The following LPP variants were observed in gnomAD, a reference collection of about 807,000 sequenced individuals.
The protein encoded by LPP is lipoma-preferred partner.
A neutral mutation model predicts 60.4 loss-of-function variants in LPP; 38 were observed. The observed-to-expected ratio is 0.63, with a 90% CI of 0.49 to 0.83. LPP has a LOEUF of 0.83. Among genes scored for constraint, LPP ranks in the 40% least tolerant of loss-of-function variants. The pLI is 0.00. For synonymous variants in LPP, 328 were observed against 290.8 expected, an observed-to-expected ratio of 1.13 and a Z score of -1.30; for missense variants, 902 against 783.6, an observed-to-expected ratio of 1.15 and a Z score of -1.80.
rs558101715 is a variant in LPP, at chr3:188,230,960, T to C, written c.-67+5433T>C. On this transcript the variant is annotated intron_variant, in intron 2 of 11. Coordinates refer to ENST00000617246, the MANE Select transcript of LPP (RefSeq NM_001375462.1). ...ACTTGCTACCAAGCACATCGCATGA[T>C]GGTTGGCAGGATTTGTTTCCCCACA... Among the ~76,000 whole-genome samples the C allele has an allele frequency of 5.9e-5, 9 of 152,184 alleles. 1 individual carries two copies. The highest frequency in any genetic ancestry group is 2.2e-4 in the African/African-American group (9 of 41,496).
At chr3:188,621,441 T>C (rs975117538) in intron 7 of LPP, among the ~76,000 whole-genome samples, 1 of 152,184 alleles carries the variant, frequency 6.6e-6, no homozygotes, top group African/African-American at 2.4e-5. Flanking sequence ...TGTCCCTGCA[T>C]CAATTTGCTT....
At chr3:188,162,644 G>A (rs1718641608) in intron 1 of LPP, among the ~76,000 whole-genome samples, 1 of 152,126 alleles carries the variant, frequency 6.6e-6, no homozygotes, top group African/African-American at 2.4e-5. Context: ...TCTTGAACAA[G>A]TTCTGGAACA....
chr3:188,394,611 C>G (rs540704239), intron 3 of LPP, among the ~76,000 whole-genome samples: 1 of 148,660 alleles, frequency 6.7e-6, no homozygotes, highest in Non-Finnish European at 1.5e-5. Context: ...TTCCCCAGAA[C>G]ATTAGCTGAG....
intron 9 of LPP, among the ~76,000 whole-genome samples, chr3:188,765,841 G>A (rs895651454): frequency 5.6e-5 from 8 of 142,806 alleles, no homozygotes; most frequent in Admixed American, 7.0e-5. Flanking sequence ...CACGTGCAAC[G>A]TGCAACTTAA....
intron 6 of LPP, among the ~76,000 whole-genome samples, chr3:188,601,699 TA>T (rs1841203810): frequency 1.3e-5 from 2 of 152,276 alleles, no homozygotes; most frequent in African/African-American, 4.8e-5. Context: ...AACTTGCATT[TA>T]AAAAGCCCTA....
intron 2 of LPP, among the ~76,000 whole-genome samples, chr3:188,248,468 T>TTATATA (rs55811112): frequency 0.099 from 8,348 of 83,938 alleles, 890 homozygotes; most frequent in Non-Finnish European, 0.13. Context: ...CAGTATAACT[T>TTATATA]TATATATATA....
At chr3:188,586,246 G>A (rs554124184) in intron 6 of LPP, among the ~76,000 whole-genome samples, 3 of 152,262 alleles carry the variant, frequency 2.0e-5, no homozygotes, top group Admixed American at 6.5e-5. Context: ...AGAGGAAAAT[G>A]TTCTATATGT....
intron 9 of LPP, among the ~76,000 whole-genome samples, chr3:188,827,537 A>AC (rs1358847417): frequency 6.6e-6 from 1 of 152,304 alleles, no homozygotes; most frequent in Admixed American, 6.5e-5. Context: ...AGACTTAATG[A>AC]CTGGAGTTCA....
intron 6 of LPP, among the ~76,000 whole-genome samples, chr3:188,594,720 A>G (rs1021070526): frequency 2.0e-5 from 3 of 152,236 alleles, no homozygotes; most frequent in Admixed American, 2.0e-4. Flanking sequence ...CTCTGAAAGG[A>G]AAACATATTT....
intron 7 of LPP, among the ~76,000 whole-genome samples, chr3:188,623,041 A>C (rs1338998548): frequency 9.6e-5 from 12 of 124,526 alleles, no homozygotes; most frequent in African/African-American, 3.6e-4. Flanking sequence ...AAAAAAAAAA[A>C]AAAAAAGAGA....
intron 10 of LPP, among the ~76,000 whole-genome samples, chr3:188,869,115 CA>C (rs1420837823): frequency 6.6e-6 from 1 of 152,048 alleles, no homozygotes; most frequent in Non-Finnish European, 1.5e-5. Context: ...GCAGAGGGAA[CA>C]ACTCAGGCAA....
intron 1 of LPP, among the ~76,000 whole-genome samples, chr3:188,204,055 T>G (rs1311207523): frequency 6.6e-6 from 1 of 152,110 alleles, no homozygotes; most frequent in Non-Finnish European, 1.5e-5. Context: ...GGTGGGCCAG[T>G]GAAGACACTA....
chr3:188,781,498 G>A (rs952514533), intron 9 of LPP, among the ~76,000 whole-genome samples: 5 of 152,088 alleles, frequency 3.3e-5, no homozygotes, highest in Admixed American at 6.5e-5. Context: ...GGAGGCGTCA[G>A]GAAACTTACA....
chr3:188,856,717 T>C (rs1479101556), intron 9 of LPP, among the ~76,000 whole-genome samples: 4 of 152,342 alleles, frequency 2.6e-5, no homozygotes, highest in East Asian at 1.9e-4. Flanking sequence ...GGAAATTCAC[T>C]GCCTCAATGA....
intron 2 of LPP, chr3:188,239,730 A>G: frequency 4.6e-6 from 1 of 218,036 alleles, no homozygotes; most frequent in Non-Finnish European, 9.2e-6. Context: ...GAAATAAACA[A>G]ATAAACAAGC....
chr3:188,609,190 A>G lies in LPP; in HGVS notation c.459A>G (p.Pro153=). ...CCACTGGTTCAACAGCCTCTCCTCCAGTTTCGACCCCAGTCACAGGACACA... is the reference window on the plus strand; with the variant it reads ...CCACTGGTTCAACAGCCTCTCCTCCGGTTTCGACCCCAGTCACAGGACACA... ...QSSTGSTASP[P]VSTPVTGHKR... Residue 153 remains proline (P), a synonymous_variant, in exon 7 of 12, where the codon CCA becomes CCG. Transcript: ENST00000617246. The surrounding 1 kb of genome is among the most constrained non-coding windows in gnomAD (Gnocchi z 6.9). 6.2e-7 allele frequency: 1 copy of G among 1,612,582 alleles called. No individual in the cohort carries two copies. The highest frequency in any genetic ancestry group is 1.1e-5 in the South Asian group (1 of 90,988).
chr3:188,267,331 G>T (rs1735941989), intron 2 of LPP, among the ~76,000 whole-genome samples: 1 of 152,096 alleles, frequency 6.6e-6, no homozygotes, highest in African/African-American at 2.4e-5. Context: ...GACTTTTTCT[G>T]AGGAATCTCT....
At chr3:188,218,159 C>G (rs1269222482) in intron 1 of LPP, among the ~76,000 whole-genome samples, 1 of 152,234 alleles carries the variant, frequency 6.6e-6, no homozygotes, top group Non-Finnish European at 1.5e-5. Flanking sequence ...TTGAAAGCCT[C>G]TCCTTGTCTT....
chr3:188,870,375 C>G (rs1172508149), intron 10 of LPP, among the ~76,000 whole-genome samples: 2 of 152,166 alleles, frequency 1.3e-5, no homozygotes, highest in African/African-American at 2.4e-5. Flanking sequence ...TGTATGGAGG[C>G]TTTATTCCCC....
Sources: allele counts gnomAD v4.1 joint callset (sites outside exome capture counted in the v4.1 genomes callset), GRCh38; gene constraint gnomAD v4.1.1; non-coding constraint Gnocchi (gnomAD v3.1); transcripts MANE v1.5; gene names NCBI Gene and HGNC (gene_info 2026-07-23, HGNC 2026-07-21).